HPSE2: variants seen among roughly 807,000 people sequenced by gnomAD.
The protein encoded by HPSE2 is inactive heparanase-2.
HPSE2 carries 38 observed loss-of-function variants against 60.5 expected under a neutral mutation model. That is an observed-to-expected ratio of 0.63 (90% CI 0.48 to 0.82). HPSE2 has a LOEUF of 0.82. HPSE2 is among the 40% of genes least tolerant of loss of function. The pLI is 0.00. For missense variants in HPSE2, 713 were observed against 740.4 expected (o/e 0.96, Z 0.43); for synonymous variants, 295 against 293.2 (o/e 1.01, Z -0.06).
the HPSE2 span, among the ~76,000 whole-genome samples, chr10:99,301,214 G>C: frequency 8.5e-5 from 13 of 152,158 alleles, no homozygotes; most frequent in Non-Finnish European, 1.8e-4. Flanking sequence ...CAAGGTTTTA[G>C]GGATAGTTCC....
intron 3 of HPSE2, among the ~76,000 whole-genome samples, chr10:99,034,509 C>T (rs1957567020): frequency 6.6e-6 from 1 of 151,746 alleles, no homozygotes; most frequent in African/African-American, 2.4e-5. Context: ...TTTAATTCAC[C>T]ACAATGTCAG....
chr10:99,200,184 GT>G (rs34509578), intron 2 of HPSE2, among the ~76,000 whole-genome samples: 7,414 of 151,560 alleles, frequency 0.049, 375 homozygotes, highest in East Asian at 0.15. Flanking sequence ...TATATTATGT[GT>G]TTTTTTTACC....
At chr10:98,669,868 C>T (rs551439683) in intron 6 of HPSE2, among the ~76,000 whole-genome samples, 3 of 152,108 alleles carry the variant, frequency 2.0e-5, no homozygotes, top group East Asian at 3.9e-4. Context: ...CACAGGTGCC[C>T]CCTGAATCTA....
intron 6 of HPSE2, among the ~76,000 whole-genome samples, chr10:98,667,754 G>T (rs924662332): frequency 2.0e-5 from 3 of 151,906 alleles, no homozygotes; most frequent in Non-Finnish European, 4.4e-5. Context: ...CCCTCAACAG[G>T]GGCTAGGCAT....
At chr10:98,555,851 C>T (rs1943993560) in intron 9 of HPSE2, among the ~76,000 whole-genome samples, 1 of 152,106 alleles carries the variant, frequency 6.6e-6, no homozygotes, top group South Asian at 2.1e-4. Context: ...AGCAAGTAAA[C>T]AGCCATAATA....
intron 3 of HPSE2, among the ~76,000 whole-genome samples, chr10:98,871,573 T>C (rs1049780749): frequency 3.3e-5 from 5 of 152,090 alleles, no homozygotes; most frequent in East Asian, 3.8e-4. Context: ...TACAGAATTA[T>C]ATTTTATTTA....
intron 9 of HPSE2, among the ~76,000 whole-genome samples, chr10:98,498,925 C>T (rs1027404949): frequency 3.9e-5 from 6 of 152,010 alleles, no homozygotes; most frequent in African/African-American, 1.4e-4. Context: ...ATAAGGTCTT[C>T]AAATTAACCC....
chr10:99,079,090 T>C (rs973344906), intron 3 of HPSE2, among the ~76,000 whole-genome samples: 4 of 152,168 alleles, frequency 2.6e-5, no homozygotes, highest in Non-Finnish European at 5.9e-5. Context: ...TATTGAGTCA[T>C]GGAAAGCGGC....
chr10:98,655,566 T>C (rs1001034651), intron 6 of HPSE2, among the ~76,000 whole-genome samples: 4 of 152,234 alleles, frequency 2.6e-5, no homozygotes, highest in African/African-American at 9.6e-5. Context: ...AAGTCATTGA[T>C]TGTCAGTTTG....
intron 6 of HPSE2, among the ~76,000 whole-genome samples, chr10:98,688,477 C>CTTTTT (rs1388717965): frequency 1.2e-5 from 1 of 83,012 alleles, no homozygotes; most frequent in African/African-American, 4.4e-5. Context: ...TTTTTTTTTT[C>CTTTTT]TTTTTTTTTT....
intron 2 of HPSE2, among the ~76,000 whole-genome samples, chr10:99,182,228 C>G (rs899251103): frequency 6.6e-6 from 1 of 152,230 alleles, no homozygotes; most frequent in Non-Finnish European, 1.5e-5. Flanking sequence ...TCAACTCCTC[C>G]AAATCCTCTA....
rs183053237 is a variant in HPSE2, at chr10:98,861,946, G to A, written c.611-117890C>T. On this transcript the variant is annotated intron_variant, in intron 3 of 11. Transcript: ENST00000370552. The stretch of plus-strand genomic sequence containing the variant: ...GTGGGAGTGGATCTTTGAAATATAG[G>A]CCCTCTAGCGTTTGCAGGAATAGTG... 7.2e-4 allele frequency among the ~76,000 whole-genome samples: 110 copies of A among 152,252 alleles called. 1 individual carries two copies. The East Asian group carries it at 0.016, about 22-fold the overall frequency.
rs371166035 is a variant in HPSE2, at chr10:98,729,012, CAAAAGAAAAG to C, written c.785-7194_785-7185del. ...CAACAGAGCAGGGCCTTGTATGAAA[CAAAAGAAAAG>C]AAAAGAAAAGAAAAGAACAAAACAA... On this transcript the variant is annotated intron_variant, in intron 4 of 11. Transcript: ENST00000370552. Among the ~76,000 whole-genome samples, 84 of 150,858 alleles carry C rather than the reference CAAAAGAAAAG, an allele frequency of 5.6e-4. 1 individual carries two copies. The highest frequency in any genetic ancestry group is 3.4e-3 in the Middle Eastern group (1 of 294).
At chr10:99,274,325 G>A in the HPSE2 span, among the ~76,000 whole-genome samples, 130,220 of 152,160 alleles carry the variant, frequency 0.86, 56,088 homozygotes, top group African/African-American at 0.92. Flanking sequence ...TCCAGCCTGG[G>A]ACTCTGTCTC....
At chr10:99,237,905 G>C (rs544691728), upstream of HPSE2, among the ~76,000 whole-genome samples, 10 of 152,328 alleles carry the variant, frequency 6.6e-5, no homozygotes, top group African/African-American at 2.4e-4. Context: ...TAAATTCTGT[G>C]AAGTAAATTA....
At chr10:98,760,435 G>T (rs1196305591) in intron 3 of HPSE2, among the ~76,000 whole-genome samples, 4 of 151,998 alleles carry the variant, frequency 2.6e-5, no homozygotes, top group Admixed American at 1.3e-4. Flanking sequence ...TTGGCTGTGG[G>T]CATGTCATAT....
At chr10:98,697,264 A>C (rs558921293) in intron 5 of HPSE2, among the ~76,000 whole-genome samples, 28 of 152,332 alleles carry the variant, frequency 1.8e-4, no homozygotes, top group Admixed American at 1.1e-3. Context: ...TCTTGATTAA[A>C]GGGTACAGGA....
At chr10:98,705,523 T>C (rs1481887355) in intron 5 of HPSE2, among the ~76,000 whole-genome samples, 2 of 152,164 alleles carry the variant, frequency 1.3e-5, no homozygotes, top group East Asian at 3.9e-4. Flanking sequence ...CCTTTAATGA[T>C]AGACTAAATA....
chr10:99,090,522 G>T (rs1300426218), intron 3 of HPSE2, among the ~76,000 whole-genome samples: 1 of 151,792 alleles, frequency 6.6e-6, no homozygotes, highest in African/African-American at 2.4e-5. Context: ...ATAAATTTAA[G>T]AATCAATAAG....
Sources: gnomAD v4.1 joint callset for allele counts (sites outside exome capture counted in the v4.1 genomes callset) on GRCh38, gnomAD v4.1.1 for gene constraint, MANE v1.5 for transcripts, NCBI Gene and HGNC (gene_info 2026-07-23, HGNC 2026-07-21) for gene names.